Variants in C12orf56 observed in about 807,000 individuals in gnomAD.
C12orf56 encodes the protein uncharacterized protein C12orf56.
A neutral mutation model predicts 69.9 loss-of-function variants in C12orf56; 71 were observed. That is an observed-to-expected ratio of 1.02 (90% confidence interval 0.84 to 1.24). The LOEUF is 1.24. Among genes scored for constraint, C12orf56 ranks in the 50% most tolerant of loss-of-function variants. The pLI is 0.00. For missense variants in C12orf56, 732 were observed against 738.5 expected (o/e 0.99, Z 0.10); for synonymous variants, 276 against 274.1 (o/e 1.01, Z -0.07).
At chr12:64,318,255 G>A (rs891924528) in intron 4 of C12orf56, among the ~76,000 whole-genome samples, 1 of 151,980 alleles carries the variant, frequency 6.6e-6, no homozygotes, top group Non-Finnish European at 1.5e-5. Context: ...AGCGACAAGG[G>A]TTTCACCATC....
At chr12:64,284,922 C>T (rs981812919) in intron 7 of C12orf56, among the ~76,000 whole-genome samples, 169 bp from the exon 8 acceptor site, 3 of 152,224 alleles carry the variant, frequency 2.0e-5, no homozygotes, top group Non-Finnish European at 4.4e-5. Context: ...AGTGCCTACT[C>T]TGACTGCTAC....
intron 3 of C12orf56, among the ~76,000 whole-genome samples, chr12:64,326,739 CAAA>C (rs35874771): frequency 6.9e-5 from 10 of 145,882 alleles, no homozygotes; most frequent in East Asian, 2.0e-4. Flanking sequence ...GACTCTGTCT[CAAA>C]AAAAAAAAAA....
chr12:64,316,528 G>A (rs1444978996), intron 4 of C12orf56, among the ~76,000 whole-genome samples: 1 of 152,076 alleles, frequency 6.6e-6, no homozygotes, highest in Non-Finnish European at 1.5e-5. Flanking sequence ...AGTACTATAG[G>A]TGCTACTACA....
chr12:64,363,685 G>T (rs972139666), intron 1 of C12orf56, among the ~76,000 whole-genome samples: 1 of 152,236 alleles, frequency 6.6e-6, no homozygotes. Context: ...TGCGGAAAAA[G>T]GTGCTTGAAT....
intron 3 of C12orf56, among the ~76,000 whole-genome samples, chr12:64,323,909 T>C (rs2038804123): frequency 1.3e-5 from 2 of 152,200 alleles, no homozygotes; most frequent in African/African-American, 4.8e-5. Context: ...CATGCTGAAA[T>C]GAAGACTTGA....
intron 1 of C12orf56, among the ~76,000 whole-genome samples, chr12:64,365,839 G>T (rs2039465257): frequency 7.3e-6 from 1 of 136,106 alleles, no homozygotes. Flanking sequence ...ATAATATATA[G>T]TGTATATATT....
chr12:64,368,112 T>G (rs983260817), intron 1 of C12orf56, among the ~76,000 whole-genome samples: 3 of 152,012 alleles, frequency 2.0e-5, no homozygotes, highest in Non-Finnish European at 4.4e-5. Context: ...CTGGCCTTGT[T>G]TTTTTGAGAC....
At chr12:64,274,672 T>C (rs1046152563) in intron 11 of C12orf56, among the ~76,000 whole-genome samples, 22 of 152,228 alleles carry the variant, frequency 1.4e-4, no homozygotes, top group Non-Finnish European at 1.5e-5. Flanking sequence ...TTAGAGTTTT[T>C]CATGAAATAA....
intron 1 of C12orf56, among the ~76,000 whole-genome samples, chr12:64,357,177 T>C (rs1054925730): frequency 6.6e-6 from 1 of 152,024 alleles, no homozygotes; most frequent in African/African-American, 2.4e-5. Flanking sequence ...ATTTGGTCTA[T>C]TTACTACTGT....
intron 3 of C12orf56, among the ~76,000 whole-genome samples, chr12:64,328,157 C>T (rs181515423): frequency 1.1e-4 from 17 of 152,250 alleles, no homozygotes; most frequent in African/African-American, 4.1e-4. Context: ...CTAAGCAACA[C>T]AGCATGGGCC....
chr12:64,303,136 T>TGGTAGTGGGCGC (rs1461419755), intron 6 of C12orf56, among the ~76,000 whole-genome samples: 1 of 151,768 alleles, frequency 6.6e-6, no homozygotes, highest in African/African-American at 2.4e-5. Flanking sequence ...TAGCTGGGCG[T>TGGTAGTGGGCGC]GGTAGTGGGC....
At chr12:64,282,998 C>T (rs569841639) in intron 8 of C12orf56, among the ~76,000 whole-genome samples, 15 of 151,542 alleles carry the variant, frequency 9.9e-5, no homozygotes, top group African/African-American at 3.4e-4. Context: ...CAAAATTAAC[C>T]GGGCATGGTG....
At chr12:64,320,568 C>T (rs576497636) in intron 3 of C12orf56, among the ~76,000 whole-genome samples, 6 of 152,288 alleles carry the variant, frequency 3.9e-5, no homozygotes, top group African/African-American at 1.2e-4. Flanking sequence ...GTGTCCTTTA[C>T]TTTCCCTATT....
At chr12:64,376,601 C>G (rs576149969) in intron 1 of C12orf56, among the ~76,000 whole-genome samples, 1 of 152,118 alleles carries the variant, frequency 6.6e-6, no homozygotes, top group African/African-American at 2.4e-5. Flanking sequence ...CCTCTCCCTT[C>G]TCCCTTCTCC....
At chr12:64,324,236 A>C (rs2038809217) in intron 3 of C12orf56, among the ~76,000 whole-genome samples, 2 of 152,252 alleles carry the variant, frequency 1.3e-5, no homozygotes, top group South Asian at 4.1e-4. Context: ...CTGGGCCAAC[A>C]CTAGAAATAT....
chr12:64,336,488 G>A (rs1312734209), intron 2 of C12orf56, among the ~76,000 whole-genome samples: 1 of 151,984 alleles, frequency 6.6e-6, no homozygotes, highest in African/African-American at 2.4e-5. Context: ...GAAAAAAAAA[G>A]CCAAGAATAA....
intron 3 of C12orf56, among the ~76,000 whole-genome samples, chr12:64,323,578 T>G (rs948428500): frequency 3.3e-5 from 5 of 150,966 alleles, no homozygotes; most frequent in Admixed American, 6.6e-5. Context: ...TTTTTTTTTT[T>G]GCCAAGACAG....
chr12:64,287,492 TC>T (rs1303846580), intron 6 of C12orf56, among the ~76,000 whole-genome samples: 3 of 68,098 alleles, frequency 4.4e-5, no homozygotes, highest in Admixed American at 1.7e-4. Context: ...ATGCTATCCC[TC>T]CCCCCTCCCC....
intron 4 of C12orf56, among the ~76,000 whole-genome samples, chr12:64,315,307 T>A (rs1156677971): frequency 1.8e-4 from 2 of 11,202 alleles, no homozygotes; most frequent in East Asian, 6.5e-3. Context: ...TTGTTCTACG[T>A]TTTTTTTTTT....
Sources: gnomAD v4.1 joint callset for allele counts (sites outside exome capture counted in the v4.1 genomes callset) on GRCh38, gnomAD v4.1.1 for gene constraint, MANE v1.5 for transcripts, NCBI Gene and HGNC (gene_info 2026-07-23, HGNC 2026-07-21) for gene names.